The following CKAP2L variants were observed in gnomAD, a reference collection of about 807,000 sequenced individuals.
CKAP2L encodes the protein cytoskeleton associated protein 2L, also known as cytoskeleton-associated protein 2-like.
A neutral mutation model predicts 65.7 loss-of-function variants in CKAP2L; 42 were observed. That is an observed-to-expected ratio of 0.64 (90% confidence interval 0.50 to 0.83). CKAP2L has a LOEUF of 0.83. Among genes scored for constraint, CKAP2L ranks in the 40% least tolerant of loss-of-function variants. The pLI is 0.00. For missense variants in CKAP2L, 908 were observed against 871.0 expected (o/e 1.04, Z -0.53); for synonymous variants, 325 against 313.5 (o/e 1.04, Z -0.39).
At chr2:112,759,350 A>T (rs1007868098) in intron 3 of CKAP2L, among the ~76,000 whole-genome samples, 30 of 152,208 alleles carry the variant, frequency 2.0e-4, no homozygotes, top group Admixed American at 1.6e-3. Context: ...TATTGTTGTC[A>T]TGTATCGAAA....
At chr2:112,740,333 TAC>T (rs1426093310) in intron 8 of CKAP2L, among the ~76,000 whole-genome samples, 2 of 152,220 alleles carry the variant, frequency 1.3e-5, no homozygotes, top group Non-Finnish European at 2.9e-5. Flanking sequence ...AGAGTGGTGC[TAC>T]ACTCACATTT....
rs1430099733 is a variant in CKAP2L at position 112,756,097 on chromosome 2, G to A, written c.1274C>T (p.Ala425Val). The A allele has an allele frequency of 6.2e-7, 1 of 1,614,064 alleles. No homozygotes were observed. The highest frequency in any genetic ancestry group is 8.5e-7 in the Non-Finnish European group (1 of 1,180,030). Reference protein sequence around the residue: ...AQTLDSKLKKAVPQNHFLNKT... With the variant: ...AQTLDSKLKKVVPQNHFLNKT... Reference sequence around the variant, plus strand: ...GTTCAGAAAATGGTTCTGGGGAACAGCCTTTTTCAACTTGGAGTCCAAAGT... The same window carrying A: ...GTTCAGAAAATGGTTCTGGGGAACAACCTTTTTCAACTTGGAGTCCAAAGT... The change falls in exon 4 of 9, where the codon GCT (alanine) becomes GTT (valine). Residue 425 changes from alanine to valine, a missense_variant. By Grantham distance (64) the Ala-to-Val change is moderately conservative. Coordinates refer to ENST00000302450, the MANE Select transcript of CKAP2L (RefSeq NM_152515.5).
intron 5 of CKAP2L, among the ~76,000 whole-genome samples, chr2:112,748,309 A>G (rs895307707): frequency 6.6e-6 from 1 of 152,234 alleles, no homozygotes; most frequent in Non-Finnish European, 1.5e-5. Context: ...TTACCTATAA[A>G]GGAATGAGAA....
intron 8 of CKAP2L, among the ~76,000 whole-genome samples, chr2:112,740,362 C>T (rs974194568): frequency 3.9e-5 from 6 of 152,148 alleles, no homozygotes; most frequent in African/African-American, 7.2e-5. Flanking sequence ...ATGACACTGA[C>T]GCCCTGACAT....
rs948379545 is a variant in CKAP2L at position 112,756,067 on chromosome 2, G to A, written c.1304C>T (p.Thr435Ile). Residue 435 changes from threonine to isoleucine, a missense_variant, in exon 4 of 9, where the codon ACA becomes ATA. By Grantham distance (89) the Thr-to-Ile change is moderately conservative. Coordinates refer to ENST00000302450, the MANE Select transcript of CKAP2L (RefSeq NM_152515.5). ...AVPQNHFLNK[T>I]APKTQADVTT... is the part of the protein sequence containing the mutation. ...GACATCAGCTTGAGTTTTGGGAGCT[G>A]TCTTGTTCAGAAAATGGTTCTGGGG... The A allele has an allele frequency of 2.5e-6, 4 of 1,613,970 alleles. No individual in the cohort carries two copies. In the African/African-American group the frequency reaches 5.3e-5, roughly 22 times the overall value.
intron 5 of CKAP2L, among the ~76,000 whole-genome samples, chr2:112,751,511 T>C (rs1249265206): frequency 6.6e-6 from 1 of 152,170 alleles, no homozygotes; most frequent in African/African-American, 2.4e-5. Flanking sequence ...GGTACTCATT[T>C]TTAAATAATA....
rs1679170116 is a variant in CKAP2L, at chr2:112,736,371, TTAGG to T, written c.*2448_*2451del. Among the ~76,000 whole-genome samples, 2 of 152,214 alleles carry T rather than the reference TTAGG, an allele frequency of 1.3e-5. No homozygotes were observed. The highest frequency in any genetic ancestry group is 4.8e-5 in the African/African-American group (2 of 41,444). On this transcript the variant is annotated 3_prime_UTR_variant, in exon 9 of 9. Coordinates refer to ENST00000302450, the MANE Select transcript of CKAP2L (RefSeq NM_152515.5). Reference sequence around the variant, plus strand: ...GCATTTTGGTGACAATTTTATTTTATTAGGTATATTTAAGATTTACAACATGATG... The same window carrying T: ...GCATTTTGGTGACAATTTTATTTTATTATATTTAAGATTTACAACATGATG...
At position 112,756,325 on chromosome 2, in the gene CKAP2L, G is replaced by C. The variant is rs1255191169; in HGVS notation, c.1046C>G (p.Pro349Arg). The C allele has an allele frequency of 9.3e-6, 15 of 1,613,622 alleles. No homozygotes were observed. Among genetic ancestry groups the C allele is most frequent in the Non-Finnish European group, 1.3e-5 (15 of 1,179,824 alleles). Residue 349 changes from proline (P) to arginine (R), a missense_variant, in exon 4 of 9, where the codon CCA (proline) becomes CGA (arginine). Transcript: ENST00000302450. ...LLQGEYNNRH[P>R]NIKQDQKSSQ... ...GGACTTCTGATCTTGCTTGATGTTT[G>C]GATGTCTGTTGTTATATTCACCCTG...
chr2:112,759,718 T>C (rs894785992), intron 3 of CKAP2L, among the ~76,000 whole-genome samples: 1 of 152,214 alleles, frequency 6.6e-6, no homozygotes, highest in African/African-American at 2.4e-5. Flanking sequence ...TTTGCTATCC[T>C]TCACAGTGTC....
Position 112,756,125 on chromosome 2 carries a change from G to A in CKAP2L, c.1246C>T (p.Gln416Ter). 6.2e-7 allele frequency: 1 copy of A among 1,614,132 alleles called. No homozygotes were observed. Among genetic ancestry groups the A allele is most frequent in the Non-Finnish European group, 8.5e-7 (1 of 1,180,026 alleles). Residue 416 changes from glutamine to a stop codon, truncating the protein, a stop_gained, in exon 4 of 9, where the codon CAG becomes TAG. Coordinates refer to ENST00000302450, the MANE Select transcript of CKAP2L (RefSeq NM_152515.5). LOFTEE classifies it high-confidence loss of function. ...HNNNGFQQKA[Q>*]TLDSKLKKAV... ...TTTTTCAACTTGGAGTCCAAAGTCT[G>A]TGCTTTTTGCTGAAAGCCATTATTG...
At chr2:112,740,009 C>T (rs1679784934) in intron 8 of CKAP2L, among the ~76,000 whole-genome samples, 1 of 152,018 alleles carries the variant, frequency 6.6e-6, no homozygotes, top group Admixed American at 6.6e-5. Flanking sequence ...GGCTGGAGTG[C>T]AATGGTGCAA....
chr2:112,739,034 G>A lies in CKAP2L; in HGVS notation c.2027C>T (p.Pro676Leu), dbSNP rs755625375. 1.3e-5 allele frequency: 21 copies of A among 1,613,580 alleles called. No homozygotes were observed. Among genetic ancestry groups the A allele is most frequent in the Non-Finnish European group, 1.8e-5 (21 of 1,179,780 alleles). Reference sequence around the variant, plus strand: ...GATAAATTTCATGTCTTGCACTTCCGGCATCCCATTTATTCTGAGAGACAG... The same window carrying A: ...GATAAATTTCATGTCTTGCACTTCCAGCATCCCATTTATTCTGAGAGACAG... ...IGPIPRINGM[P>L]EVQDMKFITP... The change falls in exon 9 of 9, where the codon CCG becomes CTG. Residue 676 changes from proline (P) to leucine (L), a missense_variant. Pro to Leu is a moderately conservative substitution (Grantham distance 98). Coordinates refer to ENST00000302450, the MANE Select transcript of CKAP2L (RefSeq NM_152515.5).
intron 5 of CKAP2L, among the ~76,000 whole-genome samples, chr2:112,748,823 T>C (rs988593869): frequency 1.9e-4 from 29 of 149,044 alleles, no homozygotes; most frequent in Non-Finnish European, 3.4e-4. Flanking sequence ...TATGATGGCA[T>C]CACTGCACTC....
chr2:112,749,421 A>AT (rs1680300649), intron 5 of CKAP2L, among the ~76,000 whole-genome samples: 1 of 152,252 alleles, frequency 6.6e-6, no homozygotes, highest in African/African-American at 2.4e-5. Context: ...AGACTTTGGC[A>AT]TATTTCTTTC....
intron 6 of CKAP2L, among the ~76,000 whole-genome samples, chr2:112,743,654 T>G (rs537922828): frequency 2.2e-3 from 328 of 151,906 alleles, no homozygotes; most frequent in Middle Eastern, 0.017. Flanking sequence ...GCCAGGCTGG[T>G]CTCAAACTCC....
chr2:112,740,835 C>T lies in CKAP2L; in HGVS notation c.1995G>A (p.Gln665=). 3 of 1,611,240 alleles carry T rather than the reference C, an allele frequency of 1.9e-6. No individual in the cohort carries two copies. Among genetic ancestry groups the T allele is most frequent in the African/African-American group, 2.7e-5 (2 of 75,000 alleles). ...TTGCTTACCTAGGGATTGGACCAAT[C>T]TGTAATTTGATACCAGGATAATTAT... ...EQHNYPGIKL[Q]IGPIPRINGM... Residue 665 remains glutamine, a synonymous_variant, in exon 8 of 9, where the codon CAG becomes CAA. Coordinates refer to ENST00000302450, the MANE Select transcript of CKAP2L (RefSeq NM_152515.5).
Position 112,738,723 on chromosome 2 carries a change from C to A in CKAP2L, c.*100G>T. ...TTAAGTCCTGAGCGTCCATAATCTG[C>A]ATCCATGATGCCTCTCTTTTTTTCC... On this transcript the variant is annotated 3_prime_UTR_variant, in exon 9 of 9. Coordinates refer to ENST00000302450, the MANE Select transcript of CKAP2L (RefSeq NM_152515.5). 1.3e-6 allele frequency: 1 copy of A among 744,468 alleles called. No individual in the cohort carries two copies. The highest frequency in any genetic ancestry group is 2.4e-5 in the Admixed American group (1 of 40,926). 46.1% of individuals were successfully genotyped at this position (744,468 alleles called of 1,614,324 possible). A position where few individuals can be genotyped will look rare whatever the true frequency, so the allele number is the denominator to read the frequency against.
chr2:112,745,070 G>C (rs1173215378), intron 6 of CKAP2L, among the ~76,000 whole-genome samples: 1 of 152,170 alleles, frequency 6.6e-6, no homozygotes, highest in African/African-American at 2.4e-5. Flanking sequence ...GAATCTAAAG[G>C]TGATGGTAAA....
intron 4 of CKAP2L, among the ~76,000 whole-genome samples, chr2:112,753,534 T>TTC (rs1319367928): frequency 2.1e-5 from 3 of 141,360 alleles, no homozygotes; most frequent in African/African-American, 8.5e-5. Context: ...TTCTTTTTTT[T>TTC]TTTTTTTTTT....
Sources: gnomAD v4.1 joint callset for allele counts (sites outside exome capture counted in the v4.1 genomes callset) on GRCh38, gnomAD v4.1.1 for gene constraint, MANE v1.5 for transcripts, NCBI Gene and HGNC (gene_info 2026-07-23, HGNC 2026-07-21) for gene names.